Variants in RABGAP1 observed in about 807,000 individuals in gnomAD.
RABGAP1 encodes the protein RAB GTPase activating protein 1.
Under a neutral mutation model 137.6 loss-of-function variants are expected in RABGAP1, and 23 were observed. That is an observed-to-expected ratio of 0.17 (90% CI 0.12 to 0.24). RABGAP1 has a LOEUF of 0.24. Among genes scored for constraint, RABGAP1 ranks in the 10% least tolerant of loss-of-function variants. RABGAP1 has a pLI of 1.00. For missense variants in RABGAP1, 906 were observed against 1,275.8 expected (o/e 0.71, Z 4.42); for synonymous variants, 451 against 450.7 (o/e 1.00, Z -0.01).
intron 21 of RABGAP1, among the ~76,000 whole-genome samples, chr9:123,097,135 A>C (rs1469719338): frequency 6.6e-6 from 1 of 152,154 alleles, no homozygotes; most frequent in Non-Finnish European, 1.5e-5. Context: ...GTCAGGCAAA[A>C]GTATATCATT....
intron 14 of RABGAP1, among the ~76,000 whole-genome samples, chr9:123,067,231 C>G (rs1380600596): frequency 6.6e-6 from 1 of 152,188 alleles, no homozygotes; most frequent in Non-Finnish European, 1.5e-5. Context: ...GGTTTTCAGT[C>G]CTGTCTTTGT....
intron 13 of RABGAP1, among the ~76,000 whole-genome samples, chr9:123,046,111 GTT>G (rs1033336070): frequency 8.9e-4 from 135 of 152,250 alleles, no homozygotes; most frequent in African/African-American, 2.9e-3. Flanking sequence ...TTCAACTGAT[GTT>G]TTATGTATTT....
At chr9:123,045,197 T>TG (rs1251061818) in intron 13 of RABGAP1, among the ~76,000 whole-genome samples, 1 of 152,220 alleles carries the variant, frequency 6.6e-6, no homozygotes, top group Non-Finnish European at 1.5e-5. Context: ...GGCAATATTT[T>TG]GGGGAGAAAG....
intron 17 of RABGAP1, 53 bp from the exon 18 acceptor site, chr9:123,076,192 T>C (rs2034504071): frequency 1.9e-5 from 30 of 1,557,878 alleles, no homozygotes; most frequent in Non-Finnish European, 2.6e-5. Flanking sequence ...ACAAATAGCA[T>C]AATAGTCGAG....
At chr9:122,987,419 C>T (rs1358058045) in intron 4 of RABGAP1, among the ~76,000 whole-genome samples, 2 of 152,024 alleles carry the variant, frequency 1.3e-5, no homozygotes, top group African/African-American at 4.8e-5. Context: ...TTATTAAGAT[C>T]TTCTTTGCAT....
At position 123,098,594 on chromosome 9, in the gene RABGAP1, ATTAGAGGACTTCCAGGGTTTGG is replaced by A. The variant is rs982088652; in HGVS notation, c.2734-118_2734-97del. The A allele has an allele frequency of 3.2e-5, 22 of 688,366 alleles. No individual in the cohort carries two copies. In the African/African-American group the frequency reaches 4.0e-4, roughly 13 times the overall value. The allele number at this position is 688,366 out of a possible 1,614,324, so 42.6% of individuals were successfully genotyped here. On this transcript the variant is annotated intron_variant, in intron 22 of 25. Transcript: ENST00000373647. ...AAGATTGAAGGAAGAAAGTAGCTGA[ATTAGAGGACTTCCAGGGTTTGG>A]TTCAGCAGTTTTTGGGAAGCCTAGC...
chr9:123,060,637 A>T (rs1017465856), intron 13 of RABGAP1, among the ~76,000 whole-genome samples: 1 of 152,220 alleles, frequency 6.6e-6, no homozygotes, highest in Non-Finnish European at 1.5e-5. Context: ...CAGTAATTTC[A>T]TATTCTCACC....
At chr9:123,017,631 C>G (rs2031330107) in intron 12 of RABGAP1, among the ~76,000 whole-genome samples, 2 of 152,174 alleles carry the variant, frequency 1.3e-5, no homozygotes. Context: ...AGACAAGTCA[C>G]TTAACTCTTT....
At chr9:122,944,821 C>T (rs1833849444) in intron 1 of RABGAP1, among the ~76,000 whole-genome samples, 1 of 152,018 alleles carries the variant, frequency 6.6e-6, no homozygotes, top group South Asian at 2.1e-4. Context: ...AGGTAATCCA[C>T]CTGCCTCGGC....
chr9:122,997,116 A>G, intron 8 of RABGAP1, 143 bp from the exon 9 acceptor site: 3 of 631,126 alleles, frequency 4.8e-6, no homozygotes, highest in South Asian at 2.1e-5. Flanking sequence ...ATTTTTTACC[A>G]TAAATGTAAT....
intron 13 of RABGAP1, among the ~76,000 whole-genome samples, chr9:123,038,967 AT>A (rs1295367885): frequency 6.6e-6 from 1 of 152,158 alleles, no homozygotes; most frequent in Non-Finnish European, 1.5e-5. Flanking sequence ...TAAATGCTTA[AT>A]TTCTCCTAGA....
intron 13 of RABGAP1, chr9:123,034,957 A>G (rs1055505451): frequency 2.5e-6 from 4 of 1,613,358 alleles, no homozygotes; most frequent in Admixed American, 3.3e-5. Flanking sequence ...ATACATTGCC[A>G]TTACTAAACC....
intron 2 of RABGAP1, among the ~76,000 whole-genome samples, chr9:122,962,438 T>C (rs1460852140): frequency 1.3e-5 from 2 of 151,952 alleles, no homozygotes; most frequent in Admixed American, 6.6e-5. Context: ...GGAGAATTAC[T>C]TGAGCCCAGG....
intron 1 of RABGAP1, among the ~76,000 whole-genome samples, chr9:122,944,212 T>G (rs1264434061): frequency 6.6e-6 from 1 of 152,074 alleles, no homozygotes; most frequent in African/African-American, 2.4e-5. Flanking sequence ...GCATGTGGAA[T>G]AAATGAATAC....
intron 13 of RABGAP1, among the ~76,000 whole-genome samples, chr9:123,048,168 A>T (rs2033304101): frequency 6.6e-6 from 1 of 151,888 alleles, no homozygotes; most frequent in Admixed American, 6.6e-5. Context: ...CGAACTCCTG[A>T]CCTCAGGTGA....
chr9:122,934,977 A>G, the RABGAP1 span, among the ~76,000 whole-genome samples: 1 of 152,174 alleles, frequency 6.6e-6, no homozygotes, highest in Non-Finnish European at 1.5e-5. Context: ...GAGAGTTTAA[A>G]CCATTTAGAT....
chr9:123,042,228 C>T (rs1262577255), intron 13 of RABGAP1, among the ~76,000 whole-genome samples: 1 of 152,196 alleles, frequency 6.6e-6, no homozygotes, highest in African/African-American at 2.4e-5. Flanking sequence ...AACAAAATAG[C>T]CACATTCCCT....
At chr9:123,097,901 C>A in intron 22 of RABGAP1, 56 bp downstream of exon 22, 1 of 1,455,014 alleles carries the variant, frequency 6.9e-7, no homozygotes, top group South Asian at 1.3e-5. Flanking sequence ...ACTGGGAGTT[C>A]AGCTGGTGGC....
At chr9:122,974,336 C>T (rs2131699665) in intron 2 of RABGAP1, among the ~76,000 whole-genome samples, 1 of 149,672 alleles carries the variant, frequency 6.7e-6, no homozygotes, top group South Asian at 2.1e-4. Context: ...CTTGAAAGAA[C>T]ATGGAGTCAG....
Sources: allele counts gnomAD v4.1 joint callset (sites outside exome capture counted in the v4.1 genomes callset), GRCh38; gene constraint gnomAD v4.1.1; transcripts MANE v1.5; gene names NCBI Gene and HGNC (gene_info 2026-07-23, HGNC 2026-07-21).